GRID2: variants seen among roughly 807,000 people sequenced by gnomAD.
GRID2 encodes the protein glutamate ionotropic receptor delta type subunit 2.
In GRID2, 33 loss-of-function variants were observed where a neutral mutation model predicts 114.8. The ratio of observed to expected loss-of-function variants is 0.29; its 90% CI spans 0.22 to 0.38. GRID2 has a LOEUF of 0.38. Ranked by LOEUF, GRID2 falls within the 10% of genes least tolerant of loss-of-function variation. The pLI is 1.00. For missense variants in GRID2, 1,184 were observed against 1,257.7 expected (o/e 0.94, Z 0.89); for synonymous variants, 505 against 449.9 (o/e 1.12, Z -1.55).
At chr4:93,576,030 A>G (rs1033841724) in intron 13 of GRID2, among the ~76,000 whole-genome samples, 3 of 152,292 alleles carry the variant, frequency 2.0e-5, no homozygotes, top group Non-Finnish European at 4.4e-5. Flanking sequence ...TTATGCTAAG[A>G]TATTTTAATT....
chr4:92,867,358 A>C (rs1447044705), intron 2 of GRID2, among the ~76,000 whole-genome samples: 1 of 152,134 alleles, frequency 6.6e-6, no homozygotes. Context: ...TCAAGGAAGA[A>C]AGCTAGAGTG....
chr4:92,958,367 T>C (rs530512059), intron 2 of GRID2, among the ~76,000 whole-genome samples: 25 of 152,178 alleles, frequency 1.6e-4, no homozygotes, highest in African/African-American at 6.0e-4. Context: ...GATTTTATGA[T>C]GATTTTATGA....
At chr4:92,523,521 TA>T (rs1273018058) in intron 1 of GRID2, among the ~76,000 whole-genome samples, 7 of 151,868 alleles carry the variant, frequency 4.6e-5, no homozygotes, top group Admixed American at 2.0e-4. Context: ...AAAATTTAGG[TA>T]AAGGAAGAGA....
At chr4:92,876,886 G>A (rs1326844244) in intron 2 of GRID2, among the ~76,000 whole-genome samples, 2 of 152,134 alleles carry the variant, frequency 1.3e-5, no homozygotes, top group African/African-American at 4.8e-5. Context: ...ATAAAATATA[G>A]AAGTGAGAAG....
chr4:92,897,196 G>C (rs1388592084), intron 2 of GRID2, among the ~76,000 whole-genome samples: 1 of 152,032 alleles, frequency 6.6e-6, no homozygotes, highest in South Asian at 2.1e-4. Context: ...AAATGTCTCT[G>C]TCTGCCTGCA....
chr4:92,808,277 T>C (rs1295745131), intron 2 of GRID2, among the ~76,000 whole-genome samples: 1 of 152,010 alleles, frequency 6.6e-6, no homozygotes, highest in African/African-American at 2.4e-5. Flanking sequence ...TCTATAATTA[T>C]AAGATAATGT....
At chr4:93,205,451 T>C (rs1310464879) in intron 4 of GRID2, among the ~76,000 whole-genome samples, 1 of 152,134 alleles carries the variant, frequency 6.6e-6, no homozygotes, top group African/African-American at 2.4e-5. Flanking sequence ...AATGATGGTT[T>C]CCAGTTTCAT....
At chr4:93,159,643 T>A (rs1391644607) in intron 4 of GRID2, among the ~76,000 whole-genome samples, 1 of 151,768 alleles carries the variant, frequency 6.6e-6, no homozygotes, top group Non-Finnish European at 1.5e-5. Context: ...TTCATTATTT[T>A]TCATTTTAAA....
intron 14 of GRID2, among the ~76,000 whole-genome samples, chr4:93,693,467 G>A (rs1315926104): frequency 6.6e-6 from 1 of 152,160 alleles, no homozygotes; most frequent in Admixed American, 6.5e-5. Flanking sequence ...AAATTACCAA[G>A]CTGTTTTGTT....
At chr4:92,828,432 G>GGTA (rs1169445630) in intron 2 of GRID2, among the ~76,000 whole-genome samples, 1 of 151,974 alleles carries the variant, frequency 6.6e-6, no homozygotes, top group Non-Finnish European at 1.5e-5. Flanking sequence ...AAAACAACTT[G>GGTA]GTCTAAGCAG....
intron 1 of GRID2, among the ~76,000 whole-genome samples, chr4:92,310,807 C>G (rs1313688386): frequency 6.6e-6 from 1 of 151,732 alleles, no homozygotes; most frequent in Non-Finnish European, 1.5e-5. Flanking sequence ...TAAGGAGGAA[C>G]AGAAAGGAAT....
chr4:92,518,963 G>T (rs1013362943), intron 1 of GRID2, among the ~76,000 whole-genome samples: 1 of 151,728 alleles, frequency 6.6e-6, no homozygotes. Flanking sequence ...CATATGAAAT[G>T]GTTGATACTG....
intron 1 of GRID2, among the ~76,000 whole-genome samples, chr4:92,336,296 A>G (rs2110153145): frequency 6.6e-6 from 1 of 152,340 alleles, no homozygotes; most frequent in Non-Finnish European, 1.5e-5. Context: ...AACAACATCT[A>G]GCAGTTGGGA....
intron 2 of GRID2, among the ~76,000 whole-genome samples, chr4:92,808,421 A>G (rs114452496): frequency 1.3e-5 from 2 of 152,064 alleles, no homozygotes; most frequent in African/African-American, 4.8e-5. Context: ...CAGTCATAAG[A>G]TCAGCATATA....
chr4:93,005,295 A>C (rs975715863), intron 2 of GRID2, among the ~76,000 whole-genome samples: 1 of 152,088 alleles, frequency 6.6e-6, no homozygotes, highest in Admixed American at 6.6e-5. Flanking sequence ...ATAATTTATC[A>C]TATATTCTCA....
At chr4:93,100,330 G>A (rs1473040549) in intron 3 of GRID2, among the ~76,000 whole-genome samples, 1 of 151,752 alleles carries the variant, frequency 6.6e-6, no homozygotes, top group African/African-American at 2.4e-5. Flanking sequence ...CAGAAATCTA[G>A]TATAGCATAT....
chr4:92,788,336 T>C (rs1441881864), intron 2 of GRID2, among the ~76,000 whole-genome samples: 3 of 151,878 alleles, frequency 2.0e-5, no homozygotes, highest in African/African-American at 4.8e-5. Flanking sequence ...GCAGGTGTTA[T>C]AGAGTAATGA....
chr4:92,811,030 G>T (rs1740641420), intron 2 of GRID2, among the ~76,000 whole-genome samples: 1 of 152,080 alleles, frequency 6.6e-6, no homozygotes, highest in East Asian at 1.9e-4. Context: ...CAGTCCACCT[G>T]CCTCGGCCTT....
At chr4:92,866,735 A>G (rs918075520) in intron 2 of GRID2, among the ~76,000 whole-genome samples, 3 of 151,292 alleles carry the variant, frequency 2.0e-5, no homozygotes, top group African/African-American at 7.3e-5. Flanking sequence ...GTACTTTTTA[A>G]TAGAGACGGT....
Sources: gnomAD v4.1 joint callset for allele counts (sites outside exome capture counted in the v4.1 genomes callset) on GRCh38, gnomAD v4.1.1 for gene constraint, MANE v1.5 for transcripts, NCBI Gene and HGNC (gene_info 2026-07-23, HGNC 2026-07-21) for gene names.